The following ATPSCKMT variants were observed in gnomAD, a reference collection of about 807,000 sequenced individuals.
The protein encoded by ATPSCKMT is ATP synthase c subunit lysine N-methyltransferase, also known as ATP synthase subunit C lysine N-methyltransferase.
Under a neutral mutation model 24.3 loss-of-function variants are expected in ATPSCKMT, and 24 were observed. That is an observed-to-expected ratio of 0.99 (90% CI 0.71 to 1.39). ATPSCKMT has a LOEUF of 1.39. Ranked by LOEUF, ATPSCKMT falls within the 40% of genes most tolerant of loss-of-function variation. The pLI is 0.00. For synonymous variants in ATPSCKMT, 95 were observed against 110.5 expected (o/e 0.86, Z 0.88); for missense variants, 311 against 298.4 (o/e 1.04, Z -0.31).
At chr5:10,248,661 C>T (rs549218609) in intron 1 of ATPSCKMT, among the ~76,000 whole-genome samples, 11 of 152,350 alleles carry the variant, frequency 7.2e-5, no homozygotes, top group Non-Finnish European at 1.6e-4. Flanking sequence ...CATCCTCCTG[C>T]CTCAGCCCCA....
rs116255564 is a variant in ATPSCKMT at position 10,231,930 on chromosome 5, T to C, written c.495+3281A>G. Among the ~76,000 whole-genome samples, 1,324 of 152,344 alleles carry C rather than the reference T, an allele frequency of 8.7e-3. 21 individuals are homozygous for C. The highest frequency in any genetic ancestry group is 0.03 in the African/African-American group (1,248 of 41,582). On this transcript the variant is annotated intron_variant, in intron 4 of 4. Transcript: ENST00000511437. Reference sequence around the variant, plus strand: ...TTCATCAGTTCATAAAAGCCAAGCATGGTGGCTCACACCTGTAATCCCAAC... The same window carrying C: ...TTCATCAGTTCATAAAAGCCAAGCACGGTGGCTCACACCTGTAATCCCAAC...
At chr5:10,231,415 A>C (rs1744129697) in intron 4 of ATPSCKMT, among the ~76,000 whole-genome samples, 1 of 152,068 alleles carries the variant, frequency 6.6e-6, no homozygotes, top group South Asian at 2.1e-4. Flanking sequence ...TCTCAAGCCC[A>C]GCCAGCCCTG....
At chr5:10,243,036 A>G (rs1009108841) in intron 1 of ATPSCKMT, among the ~76,000 whole-genome samples, 1 of 152,096 alleles carries the variant, frequency 6.6e-6, no homozygotes, top group East Asian at 1.9e-4. Flanking sequence ...ATTCCTAAGG[A>G]CTCTGTGATT....
intron 4 of ATPSCKMT, 102 bp downstream of exon 4, chr5:10,235,109 T>C: frequency 4.1e-6 from 4 of 978,776 alleles, no homozygotes; most frequent in South Asian, 2.9e-5. Context: ...CTAAAATCTC[T>C]GGGAGGCCAT....
At position 10,236,440 on chromosome 5, in the gene ATPSCKMT, C is replaced by T. The variant is rs201969375; in HGVS notation, c.444+38G>A. 8.7e-5 allele frequency: 136 copies of T among 1,570,756 alleles called. No homozygotes were observed. In the African/African-American group the frequency reaches 1.7e-3, roughly 19 times the overall value. The stretch of plus-strand genomic sequence containing the variant: ...ACTAATTTTGAATAATAAAATTTTC[C>T]CTTGGATTTCTCTAGGGCCATTCTC... On this transcript the variant is annotated intron_variant, in intron 3 of 4. Coordinates refer to ENST00000511437, the MANE Select transcript of ATPSCKMT (RefSeq NM_199133.4).
chr5:10,231,559 G>A (rs1164930485), intron 4 of ATPSCKMT, among the ~76,000 whole-genome samples: 6 of 150,080 alleles, frequency 4.0e-5, no homozygotes, highest in African/African-American at 1.5e-4. Context: ...CACCCTGCCC[G>A]AGGCGCTCTT....
At chr5:10,235,133 G>T (rs369618972) in intron 4 of ATPSCKMT, 78 bp downstream of exon 4, 2 of 1,335,334 alleles carry the variant, frequency 1.5e-6, no homozygotes, top group African/African-American at 2.9e-5. Flanking sequence ...CCTCACACGG[G>T]TGAGTGGTGG....
intron 1 of ATPSCKMT, among the ~76,000 whole-genome samples, chr5:10,246,696 C>T (rs1435569289): frequency 6.6e-6 from 1 of 152,152 alleles, no homozygotes; most frequent in Non-Finnish European, 1.5e-5. Context: ...TCAGATGACC[C>T]AAATTTCATT....
chr5:10,235,359 C>T (rs1579423939), intron 3 of ATPSCKMT, 98 bp from the exon 4 acceptor site: 1 of 1,059,474 alleles, frequency 9.4e-7, no homozygotes, highest in Non-Finnish European at 1.4e-6. Context: ...TTCCATTTTA[C>T]CAAACGGTGG....
intron 4 of ATPSCKMT, among the ~76,000 whole-genome samples, chr5:10,231,955 C>A (rs1195915920): frequency 6.6e-6 from 1 of 152,234 alleles, no homozygotes; most frequent in Non-Finnish European, 1.5e-5. Flanking sequence ...GTAATCCCAA[C>A]ACTTTGGGAG....
chr5:10,236,651 G>GA (rs769549699), intron 2 of ATPSCKMT, 36 bp from the exon 3 acceptor site: 2 of 1,596,730 alleles, frequency 1.3e-6, no homozygotes, highest in Non-Finnish European at 1.7e-6. Flanking sequence ...AAAATAAGAA[G>GA]AAAAAATGAA....
At chr5:10,243,408 C>T (rs930891689) in intron 1 of ATPSCKMT, among the ~76,000 whole-genome samples, 3 of 151,988 alleles carry the variant, frequency 2.0e-5, no homozygotes, top group African/African-American at 4.8e-5. Context: ...CATTTGAACC[C>T]GGGAGGCAGA....
Position 10,239,117 on chromosome 5 carries a change from G to C in ATPSCKMT, c.256C>G (p.Arg86Gly). ...TCCACAAGGGATCCTCTTCGGCATC[G>C]CAACATTTTCACAACATTTTCAATC... ...KQIENVVKML[R>G]CRRGSLVDIG... The change falls in exon 2 of 5, where the codon CGA (arginine) becomes GGA (glycine). Residue 86 changes from arginine (R) to glycine (G), a missense_variant. Arg to Gly is a moderately radical substitution (Grantham distance 125). Transcript: ENST00000511437. The C allele has an allele frequency of 6.2e-7, 1 of 1,614,160 alleles. No homozygotes were observed. Among genetic ancestry groups the C allele is most frequent in the Non-Finnish European group, 8.5e-7 (1 of 1,180,034 alleles).
intron 1 of ATPSCKMT, among the ~76,000 whole-genome samples, chr5:10,243,568 C>A (rs1181872253): frequency 2.0e-5 from 3 of 152,228 alleles, no homozygotes; most frequent in African/African-American, 7.2e-5. Flanking sequence ...GCGGCTTCTC[C>A]ATCAGCACTT....
At position 10,239,920 on chromosome 5, in the gene ATPSCKMT, C is replaced by T. The variant is rs114563902; in HGVS notation, c.17-564G>A. Reference sequence around the variant, plus strand: ...TATGGTAATAAAGAGACTTTTACAGCGGATCCAAAAAGAACAAAAAATAAG... The same window carrying T: ...TATGGTAATAAAGAGACTTTTACAGTGGATCCAAAAAGAACAAAAAATAAG... On this transcript the variant is annotated intron_variant, in intron 1 of 4. Coordinates refer to ENST00000511437, the MANE Select transcript of ATPSCKMT (RefSeq NM_199133.4). Among the ~76,000 whole-genome samples the T allele has an allele frequency of 7.3e-3, 1,114 of 152,144 alleles. 11 individuals are homozygous for T. The highest frequency in any genetic ancestry group is 0.025 in the African/African-American group (1,042 of 41,512).
chr5:10,235,557 G>C (rs1302278045), intron 3 of ATPSCKMT, among the ~76,000 whole-genome samples: 1 of 152,216 alleles, frequency 6.6e-6, no homozygotes, highest in Non-Finnish European at 1.5e-5. Context: ...GCGTCAGACA[G>C]CTAGTGACCA....
intron 3 of ATPSCKMT, among the ~76,000 whole-genome samples, 178 bp from the exon 4 acceptor site, chr5:10,235,439 C>T (rs190099663): frequency 1.3e-4 from 20 of 152,292 alleles, no homozygotes; most frequent in Admixed American, 1.3e-3. Context: ...CATGTTCATG[C>T]TCTCATTCAT....
At chr5:10,246,379 G>T (rs1744929311) in intron 1 of ATPSCKMT, among the ~76,000 whole-genome samples, 1 of 151,584 alleles carries the variant, frequency 6.6e-6, no homozygotes, top group Non-Finnish European at 1.5e-5. Flanking sequence ...AGGTTACAGT[G>T]AGCCAAGGAG....
intron 3 of ATPSCKMT, among the ~76,000 whole-genome samples, chr5:10,235,928 C>T (rs72643797): frequency 0.034 from 5,211 of 152,046 alleles, 127 homozygotes; most frequent in African/African-American, 0.067. Flanking sequence ...GACAATATTA[C>T]AATGGAAAAT....
Sources: allele counts gnomAD v4.1 joint callset (sites outside exome capture counted in the v4.1 genomes callset), GRCh38; gene constraint gnomAD v4.1.1; transcripts MANE v1.5; gene names NCBI Gene and HGNC (gene_info 2026-07-23, HGNC 2026-07-21).